Variants in NSMCE4A observed in about 807,000 individuals in gnomAD.
NSMCE4A encodes the protein non-structural maintenance of chromosomes element 4 homolog A.
Under a neutral mutation model 47.9 loss-of-function variants are expected in NSMCE4A, and 40 were observed. The ratio of observed to expected loss-of-function variants is 0.83; its 90% CI spans 0.65 to 1.09. The LOEUF (loss-of-function observed/expected upper bound fraction) is 1.09, where lower values mean the gene tolerates loss of function less well. Ranked by LOEUF, NSMCE4A falls within the 50% of genes least tolerant of loss-of-function variation. The probability of loss-of-function intolerance (pLI) is 0.00; values close to 1 mark genes in which losing one functional copy is unlikely to be tolerated. For synonymous variants in NSMCE4A, 166 were observed against 178.5 expected (o/e 0.93, Z 0.56); for missense variants, 500 against 507.0 (o/e 0.99, Z 0.13).
chr10:121,969,435 A>G (rs183765169), intron 3 of NSMCE4A, among the ~76,000 whole-genome samples: 16 of 151,580 alleles, frequency 1.1e-4, no homozygotes, highest in Non-Finnish European at 1.8e-4. Flanking sequence ...ATACATGGTT[A>G]CTTTATTGAC....
At chr10:121,973,494 TCTCACTCA>T (rs539649960) in intron 2 of NSMCE4A, among the ~76,000 whole-genome samples, 6 of 152,146 alleles carry the variant, frequency 3.9e-5, no homozygotes, top group Non-Finnish European at 7.3e-5. Flanking sequence ...CTGGGATCTC[TCTCACTCA>T]CTCACTCACA....
chr10:121,970,606 A>G lies in NSMCE4A; in HGVS notation c.501+333T>C, dbSNP rs550114545. On this transcript the variant is annotated intron_variant, in intron 3 of 10. Coordinates refer to ENST00000369023, the MANE Select transcript of NSMCE4A (RefSeq NM_017615.3). The stretch of plus-strand genomic sequence containing the variant: ...TTCCAGCTGAGCTCTGCCATCGCAG[A>G]GTGGGCTTTTGTCCAGCCCAGGACA... Among the ~76,000 whole-genome samples, 116 of 152,226 alleles carry G rather than the reference A, an allele frequency of 7.6e-4. 1 individual carries two copies. Among genetic ancestry groups the G allele is most frequent in the African/African-American group, 2.7e-3 (114 of 41,524 alleles).
chr10:121,959,294 A>G (rs1952455226), intron 10 of NSMCE4A, 30 bp downstream of exon 10: 1 of 1,567,054 alleles, frequency 6.4e-7, no homozygotes, highest in Admixed American at 1.7e-5. Context: ...CTTTAATAGA[A>G]CTGTGTAGCC....
At position 121,974,860 on chromosome 10, in the gene NSMCE4A, A is replaced by G. The variant is rs1952787919; in HGVS notation, c.292+14T>C. ...GCCCGTCCGGGCCCGCGCCGCCCGGAGGCGCCGCCTTACGTTGGACGGAGT... is the reference window on the plus strand; with the variant it reads ...GCCCGTCCGGGCCCGCGCCGCCCGGGGGCGCCGCCTTACGTTGGACGGAGT... On this transcript the variant is annotated intron_variant, in intron 1 of 10. Transcript: ENST00000369023. 4 of 1,385,734 alleles carry G rather than the reference A, an allele frequency of 2.9e-6. No homozygotes were observed. The highest frequency in any genetic ancestry group is 3.7e-5 in the East Asian group (1 of 27,366). 85.8% of individuals were successfully genotyped at this position (1,385,734 alleles called of 1,614,324 possible).
At chr10:121,968,841 G>A (rs924358908) in intron 3 of NSMCE4A, among the ~76,000 whole-genome samples, 2 of 152,034 alleles carry the variant, frequency 1.3e-5, no homozygotes, top group Non-Finnish European at 2.9e-5. Flanking sequence ...TTCCCTTGCC[G>A]CCCGAACTAC....
chr10:121,972,313 G>A (rs541463399), intron 2 of NSMCE4A, among the ~76,000 whole-genome samples: 1 of 151,170 alleles, frequency 6.6e-6, no homozygotes, highest in African/African-American at 2.4e-5. Flanking sequence ...GACAGGTGTA[G>A]GTGTTCCCAG....
At position 121,974,402 on chromosome 10, in the gene NSMCE4A, G is replaced by C. The variant is rs913044875; in HGVS notation, c.293-321C>G. 8 of 1,056,056 alleles carry C rather than the reference G, an allele frequency of 7.6e-6. No homozygotes were observed. In the African/African-American group the frequency reaches 1.3e-4, roughly 17 times the overall value. The allele number at this position is 1,056,056 out of a possible 1,614,324, so 65.4% of individuals were successfully genotyped here. ...AAGCAATACACACCATCACCTGGAG[G>C]GCCACTCCACAGTTGCGCGGACCCA... On this transcript the variant is annotated intron_variant, in intron 1 of 10. Transcript: ENST00000369023.
rs771346068 is a variant in NSMCE4A at position 121,965,344 on chromosome 10, C to T, written c.695G>A (p.Arg232Gln). 3.5e-5 allele frequency: 56 copies of T among 1,613,832 alleles called. No homozygotes were observed. Among genetic ancestry groups the T allele is most frequent in the Non-Finnish European group, 4.5e-5 (53 of 1,179,916 alleles). ...IYGECPVPKP[R>Q]VDRPRKVPVI... Reference sequence around the variant, plus strand: ...AGGAACTTTTCTTGGACGATCAACTCGTGGCTTTGGCACAGGGCACTCTCC... The same window carrying T: ...AGGAACTTTTCTTGGACGATCAACTTGTGGCTTTGGCACAGGGCACTCTCC... The change falls in exon 5 of 11, where the codon CGA becomes CAA. Residue 232 changes from arginine to glutamine, a missense_variant. By Grantham distance (43) the Arg-to-Gln change is conservative (BLOSUM62 1). Coordinates refer to ENST00000369023, the MANE Select transcript of NSMCE4A (RefSeq NM_017615.3).
At chr10:121,961,717 G>T in intron 6 of NSMCE4A, 200 bp from the exon 7 acceptor site, 1 of 469,796 alleles carries the variant, frequency 2.1e-6, no homozygotes. Flanking sequence ...CCTCTAAGAA[G>T]CTGTGCTACA....
Position 121,957,137 on chromosome 10 carries a change from CA to C in NSMCE4A, c.*134del, listed in dbSNP as rs1293973036. On this transcript the variant is annotated 3_prime_UTR_variant, in exon 11 of 11. Coordinates refer to ENST00000369023, the MANE Select transcript of NSMCE4A (RefSeq NM_017615.3). ...TTCCTTTAATCAAAGACAACCATGA[CA>C]AATTTATTAACTATCAAAAGCTACA... 1 of 152,520 alleles carries C rather than the reference CA, an allele frequency of 6.6e-6. No individual in the cohort carries two copies. The highest frequency in any genetic ancestry group is 2.4e-5 in the African/African-American group (1 of 41,418). The allele number at this position is 152,520 out of a possible 1,614,324, so 9.4% of individuals were successfully genotyped here. A position where few individuals can be genotyped will look rare whatever the true frequency, so the allele number is the denominator to read the frequency against.
At chr10:121,964,416 G>A (rs528340678) in intron 5 of NSMCE4A, among the ~76,000 whole-genome samples, 6 of 150,576 alleles carry the variant, frequency 4.0e-5, no homozygotes, top group Non-Finnish European at 7.4e-5. Context: ...AAAGTGCTGG[G>A]ATTACAGGCG....
intron 3 of NSMCE4A, 79 bp from the exon 4 acceptor site, chr10:121,967,885 A>G: frequency 6.9e-7 from 1 of 1,446,106 alleles, no homozygotes. Flanking sequence ...CGCATCACTC[A>G]ACCTTTAAGA....
At chr10:121,959,204 A>T (rs1204876622) in intron 10 of NSMCE4A, 120 bp downstream of exon 10, 1 of 776,904 alleles carries the variant, frequency 1.3e-6, no homozygotes, top group Non-Finnish European at 2.3e-6. Context: ...ACACAGTTCT[A>T]AGAATGGGGC....
chr10:121,970,428 CG>C (rs1952685012), intron 3 of NSMCE4A, among the ~76,000 whole-genome samples: 1 of 145,532 alleles, frequency 6.9e-6, no homozygotes, highest in Non-Finnish European at 1.5e-5. Flanking sequence ...GCCGAGATCA[CG>C]CCACTGCACT....
In NSMCE4A at chr10:121,967,815, A is replaced by AT; in HGVS notation, c.502-10dup. The stretch of plus-strand genomic sequence containing the variant: ...ACACCCATATGTGTGAGCTACAAAA[A>AT]TGAAGGAAAACAAAAAACCCAGTTA... On this transcript the variant is annotated splice_polypyrimidine_tract_variant and intron_variant, in intron 3 of 10. Transcript: ENST00000369023. The AT allele has an allele frequency of 6.3e-7, 1 of 1,595,540 alleles. No homozygotes were observed. Among genetic ancestry groups the AT allele is most frequent in the Non-Finnish European group, 8.5e-7 (1 of 1,175,174 alleles).
chr10:121,974,935 G>C lies in NSMCE4A; in HGVS notation c.231C>G (p.Ala77=), dbSNP rs1433564710. The part of the protein sequence containing the change: ...MMDPASLEAE[A]DQGLCRQIRH... ...GGATCTGGCGGCACAGGCCTTGGTC[G>C]GCCTCCGCCTCCAAGCTGGCCGGGT... The change falls in exon 1 of 11, where the codon GCC becomes GCG. Residue 77 remains alanine, a synonymous_variant. Coordinates refer to ENST00000369023, the MANE Select transcript of NSMCE4A (RefSeq NM_017615.3). 1.3e-6 allele frequency: 2 copies of C among 1,533,628 alleles called. No individual in the cohort carries two copies. Among genetic ancestry groups the C allele is most frequent in the Non-Finnish European group, 1.8e-6 (2 of 1,142,748 alleles).
intron 10 of NSMCE4A, among the ~76,000 whole-genome samples, 154 bp from the exon 11 acceptor site, chr10:121,957,413 TCCC>T (rs1327399039): frequency 7.0e-6 from 1 of 143,866 alleles, no homozygotes; most frequent in East Asian, 2.2e-4. Context: ...CCATATTTAT[TCCC>T]TTCTTCTTTT....
rs1002718646 is a variant in NSMCE4A, at chr10:121,961,298, A to C, written c.939+125T>G. 9 of 539,044 alleles carry C rather than the reference A, an allele frequency of 1.7e-5. No individual in the cohort carries two copies. In the East Asian group the frequency reaches 2.1e-4, roughly 13 times the overall value. 33.4% of individuals were successfully genotyped at this position (539,044 alleles called of 1,614,324 possible). The stretch of plus-strand genomic sequence containing the variant: ...AATATGCCAATTAATGTTTTGCTAC[A>C]ATGGGTCTGAAACATATACTGGCTA... On this transcript the variant is annotated intron_variant, in intron 7 of 10. Transcript: ENST00000369023.
chr10:121,967,553 T>A, intron 4 of NSMCE4A, 102 bp downstream of exon 4: 3 of 1,262,498 alleles, frequency 2.4e-6, no homozygotes, highest in Non-Finnish European at 3.3e-6. Context: ...AACGGCATCA[T>A]GACTGTCACC....
Sources: allele counts gnomAD v4.1 joint callset (sites outside exome capture counted in the v4.1 genomes callset), GRCh38; gene constraint gnomAD v4.1.1; transcripts MANE v1.5; gene names NCBI Gene and HGNC (gene_info 2026-07-23, HGNC 2026-07-21).